Variants in SPAG17 observed in about 807,000 individuals in gnomAD.
SPAG17 encodes the protein sperm-associated antigen 17.
In SPAG17, 169 loss-of-function variants were observed where a neutral mutation model predicts 273.6. The ratio of observed to expected loss-of-function variants is 0.62; its 90% CI spans 0.55 to 0.70. SPAG17 has a LOEUF of 0.70. Among genes scored for constraint, SPAG17 ranks in the 30% least tolerant of loss-of-function variants. The pLI is 0.00. For synonymous variants in SPAG17, 825 were observed against 873.2 expected, an observed-to-expected ratio of 0.94 and a Z score of 0.97; for missense variants, 2,557 against 2,627.8, an observed-to-expected ratio of 0.97 and a Z score of 0.59.
At chr1:118,151,497 A>T in intron 1 of SPAG17, 128 bp from the exon 2 acceptor site, 1 of 924,778 alleles carries the variant, frequency 1.1e-6, no homozygotes, top group Non-Finnish European at 1.5e-6. Flanking sequence ...TGACCTTGTA[A>T]TGTATGTGGT....
chr1:118,074,629 T>A, intron 15 of SPAG17, 29 bp from the exon 16 acceptor site: 1 of 1,604,286 alleles, frequency 6.2e-7, no homozygotes, highest in African/African-American at 1.3e-5. Flanking sequence ...AACATCCAGT[T>A]GTGTTCTGGC....
At chr1:118,149,163 G>T (rs1311011592) in intron 3 of SPAG17, among the ~76,000 whole-genome samples, 2 of 152,190 alleles carry the variant, frequency 1.3e-5, no homozygotes, top group Admixed American at 1.3e-4. Context: ...TCCACTGGAA[G>T]AATGTGGTAG....
chr1:118,013,979 C>T (rs150172241), intron 29 of SPAG17, among the ~76,000 whole-genome samples: 87 of 152,230 alleles, frequency 5.7e-4, no homozygotes, highest in African/African-American at 2.0e-3. Context: ...CACAGGTCTG[C>T]CTCACCCCAA....
At chr1:118,092,636 C>A (rs1029093895) in intron 8 of SPAG17, among the ~76,000 whole-genome samples, 9 of 152,198 alleles carry the variant, frequency 5.9e-5, no homozygotes. Context: ...ATCGCTAATC[C>A]TGGTTCAGTT....
intron 35 of SPAG17, among the ~76,000 whole-genome samples, chr1:117,994,009 G>A (rs1377044401): frequency 1.3e-5 from 2 of 152,088 alleles, no homozygotes; most frequent in African/African-American, 2.4e-5. Context: ...AAGAAAAAAA[G>A]GGAGAGTAAA....
chr1:118,088,334 G>C (rs2102176932), intron 10 of SPAG17, among the ~76,000 whole-genome samples: 1 of 152,276 alleles, frequency 6.6e-6, no homozygotes, highest in Non-Finnish European at 1.5e-5. Context: ...CTGGAACATA[G>C]TAGATGGTTA....
chr1:118,059,656 C>T (rs993275565), intron 18 of SPAG17, among the ~76,000 whole-genome samples: 3 of 151,998 alleles, frequency 2.0e-5, no homozygotes, highest in Admixed American at 6.5e-5. Context: ...GGAGAACTGA[C>T]CTTGTCATTA....
At chr1:118,035,642 T>C (rs577872605) in intron 24 of SPAG17, among the ~76,000 whole-genome samples, 15 of 152,216 alleles carry the variant, frequency 9.9e-5, no homozygotes, top group Non-Finnish European at 1.8e-4. Context: ...CCATTGAAAA[T>C]TTATCTCTGC....
chr1:118,025,489 A>C, intron 26 of SPAG17, 73 bp from the exon 27 acceptor site: 1 of 1,131,136 alleles, frequency 8.8e-7, no homozygotes, highest in Non-Finnish European at 1.2e-6. Context: ...TTGCTTAATT[A>C]TTTTCTTTTT....
At chr1:117,990,764 T>C (rs2101643884) in intron 38 of SPAG17, 97 bp downstream of exon 38, 1 of 749,440 alleles carries the variant, frequency 1.3e-6, no homozygotes, top group East Asian at 2.9e-5. Context: ...GTACATGGTG[T>C]CTTGTTATCA....
intron 22 of SPAG17, among the ~76,000 whole-genome samples, chr1:118,039,677 C>T (rs904099463): frequency 6.6e-6 from 1 of 152,068 alleles, no homozygotes; most frequent in Non-Finnish European, 1.5e-5. Flanking sequence ...CAAAAACTAC[C>T]TGCCGAGTAC....
chr1:117,960,176 A>G (rs1056338079), intron 48 of SPAG17: 1 of 151,788 alleles, frequency 6.6e-6, no homozygotes, highest in South Asian at 2.1e-4. Context: ...ACATACATAT[A>G]TATAGTTGAC....
chr1:118,162,799 G>A (rs1659993351), intron 1 of SPAG17, among the ~76,000 whole-genome samples: 1 of 151,908 alleles, frequency 6.6e-6, no homozygotes, highest in South Asian at 2.1e-4. Context: ...GTCTATCCAT[G>A]TTGAGATATA....
In SPAG17 at chr1:117,981,378, C is replaced by A. The variant is rs1294254928; in HGVS notation, c.5896G>T (p.Glu1966Ter). ...NLDFKPHKVS[E>*]QKSSSVPSLP... Reference sequence around the variant, plus strand: ...CTAGGCACACTTGAGGATTTCTGTTCTGAAACCTTATGTGGCTTGAAATCT... The same window carrying A: ...CTAGGCACACTTGAGGATTTCTGTTATGAAACCTTATGTGGCTTGAAATCT... Residue 1966 changes from glutamate (E) to a stop codon, truncating the protein, a stop_gained, in exon 43 of 49, where the codon GAA (glutamate) becomes TAA (stop). Coordinates refer to ENST00000336338, the MANE Select transcript of SPAG17 (RefSeq NM_206996.4). LOFTEE classifies it high-confidence loss of function. 1 of 1,595,692 alleles carries A rather than the reference C, an allele frequency of 6.3e-7. No homozygotes were observed. Among genetic ancestry groups the A allele is most frequent in the Admixed American group, 1.9e-5 (1 of 53,582 alleles).
rs137871939 is a variant in SPAG17, at chr1:118,110,477, C to T, written c.447+4833G>A. ...TCTATGAAAGACTTTAGTACTAGAT[C>T]AGCCAATGCTATCCTACCTTACCAT... On this transcript the variant is annotated intron_variant, in intron 4 of 48. Coordinates refer to ENST00000336338, the MANE Select transcript of SPAG17 (RefSeq NM_206996.4). Among the ~76,000 whole-genome samples, 355 of 152,290 alleles carry T rather than the reference C, an allele frequency of 2.3e-3. 2 individuals are homozygous for T. The highest frequency in any genetic ancestry group is 7.5e-3 in the African/African-American group (311 of 41,566).
intron 46 of SPAG17, among the ~76,000 whole-genome samples, chr1:117,969,784 G>A (rs1654338994): frequency 6.6e-6 from 1 of 152,190 alleles, no homozygotes; most frequent in Non-Finnish European, 1.5e-5. Context: ...ATTGGGACAA[G>A]TGAGGTGAGC....
chr1:118,127,541 C>CA (rs1409504018), intron 3 of SPAG17, among the ~76,000 whole-genome samples: 4 of 152,224 alleles, frequency 2.6e-5, no homozygotes, highest in Non-Finnish European at 5.9e-5. Flanking sequence ...CCCCATGATC[C>CA]AAACACCTCT....
chr1:118,035,616 A>G (rs1321552067), intron 24 of SPAG17, among the ~76,000 whole-genome samples: 1 of 152,220 alleles, frequency 6.6e-6, no homozygotes, highest in Non-Finnish European at 1.5e-5. Context: ...AAGGTAAGAA[A>G]TAAGATTATA....
Position 118,138,530 on chromosome 1 carries a change from T to C in SPAG17, c.315+12013A>G, listed in dbSNP as rs1250392558. Among the ~76,000 whole-genome samples the C allele has an allele frequency of 5.3e-5, 7 of 132,640 alleles. No individual in the cohort carries two copies. In the East Asian group the frequency reaches 2.1e-3, roughly 40 times the overall value. The allele number at this position is 132,640 out of a possible 152,430, so 87.0% of individuals were successfully genotyped here. On this transcript the variant is annotated intron_variant, in intron 3 of 48. Coordinates refer to ENST00000336338, the MANE Select transcript of SPAG17 (RefSeq NM_206996.4). ...AATTATTTACATCACAAACCACACA[T>C]ATACACACATATACACACATATACA...
Sources: gnomAD v4.1 joint callset for allele counts (sites outside exome capture counted in the v4.1 genomes callset) on GRCh38, gnomAD v4.1.1 for gene constraint, MANE v1.5 for transcripts, NCBI Gene and HGNC (gene_info 2026-07-23, HGNC 2026-07-21) for gene names.